The following PDGFRL variants were observed in gnomAD, a reference collection of about 807,000 sequenced individuals.
PDGFRL encodes the protein platelet derived growth factor receptor like, also known as platelet-derived growth factor receptor-like protein.
PDGFRL carries 46 observed loss-of-function variants against 37.2 expected under a neutral mutation model. The observed-to-expected ratio is 1.24, with a 90% CI of 0.98 to 1.58. The LOEUF (loss-of-function observed/expected upper bound fraction) is 1.58. Ranked by LOEUF, PDGFRL falls within the 40% of genes most tolerant of loss-of-function variation. PDGFRL has a pLI of 0.00. For missense variants in PDGFRL, 692 were observed against 467.6 expected (o/e 1.48, Z -4.43); for synonymous variants, 251 against 184.3 (o/e 1.36, Z -2.93).
chr8:17,628,170 T>G (rs538902837), intron 3 of PDGFRL, among the ~76,000 whole-genome samples: 18 of 151,326 alleles, frequency 1.2e-4, no homozygotes, highest in South Asian at 8.4e-4. Context: ...ATTTTTTGTT[T>G]TTTTTAGTAC....
At chr8:17,591,770 A>T (rs1803945578) in intron 2 of PDGFRL, among the ~76,000 whole-genome samples, 2 of 152,154 alleles carry the variant, frequency 1.3e-5, no homozygotes, top group South Asian at 4.1e-4. Flanking sequence ...TATAAAAATT[A>T]GCTGGGCGTG....
chr8:17,639,829 C>T (rs920454210), intron 5 of PDGFRL, among the ~76,000 whole-genome samples: 3 of 152,170 alleles, frequency 2.0e-5, no homozygotes, highest in African/African-American at 7.2e-5. Flanking sequence ...AGCTCTCTAG[C>T]AAGGCCAGGG....
At chr8:17,617,232 A>G (rs1263144362) in intron 2 of PDGFRL, among the ~76,000 whole-genome samples, 1 of 152,206 alleles carries the variant, frequency 6.6e-6, no homozygotes, top group African/African-American at 2.4e-5. Flanking sequence ...CCTAGTTTAG[A>G]AAGAAAAGGC....
intron 5 of PDGFRL, among the ~76,000 whole-genome samples, chr8:17,640,803 A>G (rs1805075661): frequency 6.6e-6 from 1 of 151,992 alleles, no homozygotes; most frequent in Non-Finnish European, 1.5e-5. Flanking sequence ...TAGTATAGGG[A>G]GGATCAGGTG....
rs1007102745 is a variant in PDGFRL, at chr8:17,609,552, C to T, written c.354-11499C>T. 6.6e-5 allele frequency among the ~76,000 whole-genome samples: 9 copies of T among 136,498 alleles called. No individual in the cohort carries two copies. In the East Asian group the frequency reaches 1.9e-3, roughly 29 times the overall value. The allele number at this position is 136,498 out of a possible 152,430, so 89.5% of individuals were successfully genotyped here. ...ACTCAGGAGGCTAAAGCAGGAGAAT[C>T]GCTTGAACCTGGGAGGTGGAGGTTG... is the stretch of plus-strand genomic sequence containing the variant. On this transcript the variant is annotated intron_variant, in intron 2 of 5. Transcript: ENST00000251630.
intron 5 of PDGFRL, among the ~76,000 whole-genome samples, chr8:17,636,560 GTT>G (rs61639137): frequency 0.19 from 28,055 of 145,324 alleles, 3,667 homozygotes; most frequent in African/African-American, 0.36. Context: ...CTCTAGATTT[GTT>G]TTTTTTTTTT....
chr8:17,629,620 T>C (rs1804820780), intron 4 of PDGFRL, among the ~76,000 whole-genome samples: 1 of 152,162 alleles, frequency 6.6e-6, no homozygotes, highest in South Asian at 2.1e-4. Flanking sequence ...ATCGAACATT[T>C]TGGCACTTGG....
intron 2 of PDGFRL, among the ~76,000 whole-genome samples, chr8:17,605,440 C>T (rs893880343): frequency 6.6e-6 from 1 of 152,008 alleles, no homozygotes; most frequent in African/African-American, 2.4e-5. Flanking sequence ...TCTGAATAAC[C>T]CCTGCTGGGA....
At chr8:17,605,167 G>C in intron 2 of PDGFRL, among the ~76,000 whole-genome samples, 1 of 152,058 alleles carries the variant, frequency 6.6e-6, no homozygotes, top group East Asian at 1.9e-4. Context: ...GAAGGAAGGA[G>C]GGAGAGAGAC....
chr8:17,610,600 AG>A (rs1804390389), intron 2 of PDGFRL, among the ~76,000 whole-genome samples: 1 of 152,178 alleles, frequency 6.6e-6, no homozygotes, highest in Non-Finnish European at 1.5e-5. Context: ...AAAGTTTGAA[AG>A]ATGACCTTGT....
chr8:17,593,787 C>T (rs530994112), intron 2 of PDGFRL, among the ~76,000 whole-genome samples: 1 of 151,590 alleles, frequency 6.6e-6, no homozygotes, highest in African/African-American at 2.4e-5. Flanking sequence ...GCTAGGGAGG[C>T]TGAGGCAGGA....
At chr8:17,617,923 C>G (rs114355745) in intron 2 of PDGFRL, among the ~76,000 whole-genome samples, 3,966 of 152,226 alleles carry the variant, frequency 0.026, 118 homozygotes, top group South Asian at 0.095. Context: ...GTTCTGAGCT[C>G]TACGGGAATG....
chr8:17,631,252 C>T (rs183900908), intron 4 of PDGFRL, among the ~76,000 whole-genome samples: 11 of 152,276 alleles, frequency 7.2e-5, no homozygotes, highest in African/African-American at 1.9e-4. Context: ...AGTTTCTCTT[C>T]TGGCACTGTA....
chr8:17,592,225 C>A (rs567950532), intron 2 of PDGFRL, among the ~76,000 whole-genome samples: 6 of 152,350 alleles, frequency 3.9e-5, no homozygotes, highest in Middle Eastern at 3.4e-3. Context: ...TGAAAAACCA[C>A]CATTGCTTTT....
chr8:17,619,058 T>G (rs1304470303), intron 2 of PDGFRL, among the ~76,000 whole-genome samples: 1 of 152,170 alleles, frequency 6.6e-6, no homozygotes, highest in African/African-American at 2.4e-5. Context: ...AGGGCTGCGT[T>G]CAGGACCAAC....
chr8:17,619,615 G>T (rs547125310), intron 2 of PDGFRL, among the ~76,000 whole-genome samples: 4 of 152,292 alleles, frequency 2.6e-5, no homozygotes, highest in Admixed American at 1.3e-4. Flanking sequence ...GAAAGTTTTT[G>T]GTTTTAACAT....
intron 1 of PDGFRL, among the ~76,000 whole-genome samples, chr8:17,583,993 G>A (rs1389267296): frequency 4.6e-5 from 7 of 152,248 alleles, no homozygotes; most frequent in East Asian, 1.9e-4. Context: ...CCACATAGAC[G>A]GCCGAAGGAG....
At chr8:17,604,812 T>C (rs565009658) in intron 2 of PDGFRL, among the ~76,000 whole-genome samples, 8 of 152,290 alleles carry the variant, frequency 5.3e-5, no homozygotes, top group East Asian at 3.9e-4. Context: ...TTTCTAAATA[T>C]GTATACAAAG....
At chr8:17,583,818 C>A (rs953970813) in intron 1 of PDGFRL, among the ~76,000 whole-genome samples, 1 of 152,128 alleles carries the variant, frequency 6.6e-6, no homozygotes. Context: ...CTTCTCTCTC[C>A]ATGTGATCTC....
Sources: allele counts gnomAD v4.1 joint callset (sites outside exome capture counted in the v4.1 genomes callset), GRCh38; gene constraint gnomAD v4.1.1; transcripts MANE v1.5; gene names NCBI Gene and HGNC (gene_info 2026-07-23, HGNC 2026-07-21).